Variants in PPP2R5A observed in about 807,000 individuals in gnomAD.
PPP2R5A encodes protein phosphatase 2 regulatory subunit B'alpha, also known as serine/threonine-protein phosphatase 2A 56 kDa regulatory subunit alpha isoform.
Under a neutral mutation model 64.2 loss-of-function variants are expected in PPP2R5A, and 25 were observed. The observed-to-expected ratio is 0.39, with a 90% confidence interval of 0.28 to 0.54. PPP2R5A has a LOEUF of 0.54. Ranked by LOEUF, PPP2R5A falls within the 20% of genes least tolerant of loss-of-function variation. PPP2R5A has a pLI of 0.67. For missense variants in PPP2R5A, 425 were observed against 576.3 expected (o/e 0.74, Z 2.69); for synonymous variants, 198 against 201.2 (o/e 0.98, Z 0.13).
chr1:212,359,619 A>G (rs141210232), intron 12 of PPP2R5A, among the ~76,000 whole-genome samples: 1 of 152,332 alleles, frequency 6.6e-6, no homozygotes, highest in African/African-American at 2.4e-5. Flanking sequence ...GATAACAGTT[A>G]CCATTTACTT....
intron 1 of PPP2R5A, 66 bp downstream of exon 1, chr1:212,286,357 C>G (rs1658498990): frequency 1.4e-6 from 2 of 1,384,322 alleles, no homozygotes; most frequent in South Asian, 1.6e-5. Flanking sequence ...TCTGCGCCAG[C>G]AGAGCCATTT....
intron 6 of PPP2R5A, among the ~76,000 whole-genome samples, chr1:212,348,021 A>C (rs1266332326): frequency 1.3e-5 from 2 of 152,250 alleles, no homozygotes; most frequent in Non-Finnish European, 2.9e-5. Flanking sequence ...TATCCAACAA[A>C]GTAAGAAAAA....
intron 8 of PPP2R5A, among the ~76,000 whole-genome samples, chr1:212,352,376 T>G (rs1299148179): frequency 6.6e-6 from 1 of 152,022 alleles, no homozygotes; most frequent in Non-Finnish European, 1.5e-5. Context: ...GTGTTCGTTA[T>G]TCAATACTGC....
At chr1:212,337,241 A>T (rs1444314755) in intron 3 of PPP2R5A, among the ~76,000 whole-genome samples, 2 of 152,142 alleles carry the variant, frequency 1.3e-5, no homozygotes, top group Non-Finnish European at 2.9e-5. Flanking sequence ...TTTATTGAAG[A>T]CTAACAATAT....
chr1:212,293,647 T>C (rs930688029), intron 1 of PPP2R5A, among the ~76,000 whole-genome samples: 1 of 152,186 alleles, frequency 6.6e-6, no homozygotes, highest in African/African-American at 2.4e-5. Flanking sequence ...TGAAGAATTT[T>C]AGAAATCCTG....
At chr1:212,302,177 A>T (rs373670364) in intron 1 of PPP2R5A, 43 of 1,282,086 alleles carry the variant, frequency 3.4e-5, no homozygotes, top group East Asian at 1.8e-4. Flanking sequence ...TTCTGGGAAG[A>T]TGCATTTGAA....
In PPP2R5A at chr1:212,286,191, A is replaced by G; in HGVS notation, c.81A>G (p.Lys27=). 2 of 1,587,792 alleles carry G rather than the reference A, an allele frequency of 1.3e-6. No individual in the cohort carries two copies. Among genetic ancestry groups the G allele is most frequent in the South Asian group, 1.1e-5 (1 of 87,648 alleles). The change falls in exon 1 of 13, where the codon AAA becomes AAG. Residue 27 remains lysine (K), a synonymous_variant. Coordinates refer to ENST00000261461, the MANE Select transcript of PPP2R5A (RefSeq NM_006243.4). ...ASEKVDGFTR[K]SVRKAQRQKR... The stretch of plus-strand genomic sequence containing the variant: ...AGAAAGTGGACGGCTTCACCCGGAA[A>G]TCGGTCCGCAAGGCGCAGAGGCAGA...
chr1:212,356,095 T>C (rs990716747), intron 8 of PPP2R5A, among the ~76,000 whole-genome samples: 6 of 152,024 alleles, frequency 3.9e-5, no homozygotes, highest in East Asian at 1.9e-4. Flanking sequence ...ATAGTCTCTT[T>C]TGTTTCATTG....
intron 1 of PPP2R5A, among the ~76,000 whole-genome samples, chr1:212,289,388 G>A (rs1217303273): frequency 6.6e-6 from 1 of 152,064 alleles, no homozygotes; most frequent in African/African-American, 2.4e-5. Flanking sequence ...TGAACTTTTT[G>A]CAAGGTCAGT....
chr1:212,338,133 A>G (rs1203790610), intron 3 of PPP2R5A, among the ~76,000 whole-genome samples: 1 of 152,100 alleles, frequency 6.6e-6, no homozygotes, highest in Non-Finnish European at 1.5e-5. Context: ...AGATACTTTA[A>G]TCATCTATGC....
chr1:212,289,990 C>T (rs114236365), intron 1 of PPP2R5A, among the ~76,000 whole-genome samples: 2,010 of 152,220 alleles, frequency 0.013, 44 homozygotes, highest in African/African-American at 0.044. Flanking sequence ...TCAACCTAAC[C>T]AGTAGAATTA....
At chr1:212,352,943 A>G (rs1407730639) in intron 8 of PPP2R5A, 5 of 518,734 alleles carry the variant, frequency 9.6e-6, no homozygotes, top group Non-Finnish European at 1.9e-5. Context: ...TTTTGGGAAA[A>G]TACCATTCCA....
intron 1 of PPP2R5A, among the ~76,000 whole-genome samples, chr1:212,321,220 G>T (rs1659281570): frequency 6.8e-6 from 1 of 146,622 alleles, no homozygotes; most frequent in African/African-American, 2.5e-5. Context: ...TCCCAGACGG[G>T]GCGGCTGGCC....
intron 12 of PPP2R5A, among the ~76,000 whole-genome samples, chr1:212,359,288 G>A (rs1032513186): frequency 1.3e-5 from 2 of 152,138 alleles, no homozygotes; most frequent in Admixed American, 6.5e-5. Flanking sequence ...TAATTCTTAC[G>A]CTGTGGATTA....
chr1:212,329,079 A>G (rs1254393521), intron 1 of PPP2R5A, 56 bp from the exon 2 acceptor site: 1 of 1,244,838 alleles, frequency 8.0e-7, no homozygotes. Context: ...TAATAAATAT[A>G]TAAAAGTAAC....
intron 8 of PPP2R5A, among the ~76,000 whole-genome samples, chr1:212,355,997 G>A (rs768530901): frequency 2.0e-5 from 3 of 152,098 alleles, no homozygotes; most frequent in Non-Finnish European, 4.4e-5. Context: ...TTGGGAGGCC[G>A]AGGTTGCAGT....
chr1:212,343,922 C>T (rs1659730951), intron 4 of PPP2R5A, among the ~76,000 whole-genome samples: 1 of 152,172 alleles, frequency 6.6e-6, no homozygotes, highest in South Asian at 2.1e-4. Context: ...GATCTGTTTT[C>T]TACCTTCTAC....
chr1:212,315,729 G>A (rs1456021325), intron 1 of PPP2R5A, among the ~76,000 whole-genome samples: 1 of 152,120 alleles, frequency 6.6e-6, no homozygotes, highest in Non-Finnish European at 1.5e-5. Context: ...GTGCTTCACT[G>A]TATTGCATTT....
intron 1 of PPP2R5A, among the ~76,000 whole-genome samples, chr1:212,320,334 C>T (rs1008321131): frequency 2.6e-5 from 4 of 152,134 alleles, no homozygotes; most frequent in Non-Finnish European, 5.9e-5. Context: ...AAAAGTCTCC[C>T]ATGTCTACCT....
Sources: allele counts gnomAD v4.1 joint callset (sites outside exome capture counted in the v4.1 genomes callset), GRCh38; gene constraint gnomAD v4.1.1; transcripts MANE v1.5; gene names NCBI Gene and HGNC (gene_info 2026-07-23, HGNC 2026-07-21).